The following SLC16A12 variants were observed in gnomAD, a reference collection of about 807,000 sequenced individuals.
SLC16A12 encodes solute carrier family 16 member 12.
In SLC16A12, 17 loss-of-function variants were observed where a neutral mutation model predicts 42.4. The observed-to-expected ratio is 0.40, with a 90% CI of 0.27 to 0.60. The LOEUF (loss-of-function observed/expected upper bound fraction) is 0.60. Among genes scored for constraint, SLC16A12 ranks in the 20% least tolerant of loss-of-function variants. The pLI is 0.42. For missense variants in SLC16A12, 544 were observed against 623.0 expected (o/e 0.87, Z 1.35); for synonymous variants, 224 against 229.4 (o/e 0.98, Z 0.21).
chr10:89,509,076 C>T (rs1843119287), intron 2 of SLC16A12, among the ~76,000 whole-genome samples: 1 of 152,148 alleles, frequency 6.6e-6, no homozygotes, highest in South Asian at 2.1e-4. Flanking sequence ...AGACCAATAA[C>T]AGGCTCTGAA....
chr10:89,509,502 T>C (rs1325879837), intron 2 of SLC16A12, among the ~76,000 whole-genome samples: 2 of 152,122 alleles, frequency 1.3e-5, no homozygotes, highest in East Asian at 1.9e-4. Context: ...CTACATTATC[T>C]TGATATTTGC....
chr10:89,438,754 A>G lies in SLC16A12; in HGVS notation c.878T>C (p.Met293Thr). 1 of 1,614,214 alleles carries G rather than the reference A, an allele frequency of 6.2e-7. No homozygotes were observed. The highest frequency in any genetic ancestry group is 8.5e-7 in the Non-Finnish European group (1 of 1,180,036). Residue 293 changes from methionine to threonine, a missense_variant, in exon 6 of 8, where the codon ATG becomes ACG. Met to Thr is a moderately conservative substitution (Grantham distance 81). Transcript: ENST00000371790. Reference sequence around the variant, plus strand: ...AAAGAGAGGGCTGCAGCCATAAGCCATAAACAGAACGGAGACGGCTAACAC... The same window carrying G: ...AAAGAGAGGGCTGCAGCCATAAGCCGTAAACAGAACGGAGACGGCTAACAC... ...FVVLAVSVLF[M>T]AYGCSPLFVY...
chr10:89,467,884 G>A (rs745643916), intron 2 of SLC16A12: 1 of 152,088 alleles, frequency 6.6e-6, no homozygotes, highest in Non-Finnish European at 1.5e-5. Flanking sequence ...TTGAAAATGA[G>A]GTGATTATTC....
chr10:89,531,936 T>A (rs1044391410), intron 2 of SLC16A12, among the ~76,000 whole-genome samples: 4 of 152,212 alleles, frequency 2.6e-5, no homozygotes, highest in Non-Finnish European at 5.9e-5. Flanking sequence ...CTTATGCATC[T>A]CTTATGGTAG....
intron 2 of SLC16A12, among the ~76,000 whole-genome samples, chr10:89,517,280 G>A (rs374926493): frequency 1.3e-5 from 2 of 151,922 alleles, no homozygotes; most frequent in Admixed American, 6.6e-5. Flanking sequence ...GGGGCAGGGC[G>A]ACGGGACAGA....
intron 2 of SLC16A12, among the ~76,000 whole-genome samples, chr10:89,522,880 AACACGTTAGCTATTATTTTGTAG>A (rs1389784733): frequency 6.6e-6 from 1 of 152,212 alleles, no homozygotes; most frequent in Admixed American, 6.5e-5. Context: ...AAGTGCCCAA[AACACGTTAGCTATTATTTTGTAG>A]ACACAAGTGA....
At chr10:89,523,049 T>C (rs1020197071) in intron 2 of SLC16A12, among the ~76,000 whole-genome samples, 1 of 152,214 alleles carries the variant, frequency 6.6e-6, no homozygotes, top group Non-Finnish European at 1.5e-5. Flanking sequence ...GAAAGACTTG[T>C]CACTCTATAT....
At chr10:89,450,806 A>T (rs1842083260) in intron 3 of SLC16A12, among the ~76,000 whole-genome samples, 5 of 152,216 alleles carry the variant, frequency 3.3e-5, no homozygotes, top group Admixed American at 3.3e-4. Flanking sequence ...GTACCTAATC[A>T]TTATATGTAA....
chr10:89,439,491 G>A (rs1283727420), intron 5 of SLC16A12, among the ~76,000 whole-genome samples: 2 of 152,102 alleles, frequency 1.3e-5, no homozygotes, highest in East Asian at 1.9e-4. Flanking sequence ...TCTGGATAAT[G>A]CCAACCAAAG....
At chr10:89,523,232 C>T (rs1843390327) in intron 2 of SLC16A12, among the ~76,000 whole-genome samples, 1 of 152,182 alleles carries the variant, frequency 6.6e-6, no homozygotes, top group South Asian at 2.1e-4. Flanking sequence ...GGGAAGAAAA[C>T]TCCCCTTCAG....
intron 2 of SLC16A12, among the ~76,000 whole-genome samples, chr10:89,486,672 G>GA (rs1842758799): frequency 2.2e-5 from 2 of 91,866 alleles, no homozygotes; most frequent in African/African-American, 8.6e-5. Context: ...AGAAAAGAAA[G>GA]AAAGAAAGAA....
At chr10:89,483,757 A>C (rs571181091) in intron 2 of SLC16A12, among the ~76,000 whole-genome samples, 21 of 151,048 alleles carry the variant, frequency 1.4e-4, no homozygotes, top group Admixed American at 3.3e-4. Flanking sequence ...AAAAAAACAA[A>C]AAAAAAAAAA....
At chr10:89,512,357 T>C (rs1378030676) in intron 2 of SLC16A12, among the ~76,000 whole-genome samples, 1 of 152,218 alleles carries the variant, frequency 6.6e-6, no homozygotes, top group East Asian at 1.9e-4. Flanking sequence ...TGTTTCTTTT[T>C]GCACACTAAT....
In SLC16A12 at chr10:89,487,964, G is replaced by GTGTATATATA. The variant is rs1248310697; in HGVS notation, c.-46-25341_-46-25340insTATATATACA. Among the ~76,000 whole-genome samples the GTGTATATATA allele has an allele frequency of 2.2e-3, 281 of 126,638 alleles. 7 individuals are homozygous for GTGTATATATA. Among genetic ancestry groups the GTGTATATATA allele is most frequent in the African/African-American group, 1.3e-3 (44 of 34,152 alleles). The allele number at this position is 126,638 out of a possible 152,430, so 83.1% of individuals were successfully genotyped here. On this transcript the variant is annotated intron_variant, in intron 2 of 7. Coordinates refer to ENST00000371790, the MANE Select transcript of SLC16A12 (RefSeq NM_213606.4). The stretch of plus-strand genomic sequence containing the variant: ...TGGATAAAGAAAATGTGGTGTGTGT[G>GTGTATATATA]TATATATATATATATATATATATAT...
In SLC16A12 at chr10:89,542,234, T is replaced by C. The variant is rs114751219; in HGVS notation, c.-47+13648A>G. On this transcript the variant is annotated intron_variant, in intron 2 of 2. Coordinates refer to the SLC16A12 transcript ENST00000475682. Reference sequence around the variant, plus strand: ...CATATTGTTATGAATTATTATTATATGCTAACAAATATTATTTTTGAATTT... The same window carrying C: ...CATATTGTTATGAATTATTATTATACGCTAACAAATATTATTTTTGAATTT... Among the ~76,000 whole-genome samples, 1,484 of 152,228 alleles carry C rather than the reference T, an allele frequency of 9.7e-3. 16 individuals are homozygous for C. Among genetic ancestry groups the C allele is most frequent in the African/African-American group, 0.034 (1,400 of 41,544 alleles).
intron 2 of SLC16A12, among the ~76,000 whole-genome samples, chr10:89,509,829 T>A (rs1215597563): frequency 6.6e-6 from 1 of 152,222 alleles, no homozygotes; most frequent in Non-Finnish European, 1.5e-5. Flanking sequence ...CATAATTGTA[T>A]ATTTAGAAAA....
chr10:89,492,553 A>T (rs1193445085), intron 2 of SLC16A12, among the ~76,000 whole-genome samples: 2 of 152,136 alleles, frequency 1.3e-5, no homozygotes, highest in African/African-American at 2.4e-5. Flanking sequence ...AGCCTGATAA[A>T]CGTGGAGAAA....
chr10:89,460,042 A>C (rs113599025), intron 3 of SLC16A12, among the ~76,000 whole-genome samples: 1,631 of 152,306 alleles, frequency 0.011, 53 homozygotes, highest in Middle Eastern at 0.017. Context: ...CACATGAGGC[A>C]ATGTGATTGG....
intron 2 of SLC16A12, among the ~76,000 whole-genome samples, chr10:89,527,529 C>T (rs10881598): frequency 0.1 from 15,168 of 151,402 alleles, 1,019 homozygotes; most frequent in East Asian, 0.32. Flanking sequence ...GGCATGGTAG[C>T]TTACATCTAT....
Sources: allele counts gnomAD v4.1 joint callset (sites outside exome capture counted in the v4.1 genomes callset), GRCh38; gene constraint gnomAD v4.1.1; transcripts MANE v1.5; gene names NCBI Gene and HGNC (gene_info 2026-07-23, HGNC 2026-07-21).